KCNMA1: variants seen among roughly 807,000 people sequenced by gnomAD.
KCNMA1 encodes potassium calcium-activated channel subfamily M alpha 1, also known as Calcium-activated potassium channel subunit alpha-1.
A neutral mutation model predicts 140.0 loss-of-function variants in KCNMA1; 29 were observed. That is an observed-to-expected ratio of 0.21 (90% CI 0.15 to 0.28). KCNMA1 has a LOEUF of 0.28. Ranked by LOEUF, KCNMA1 falls within the 10% of genes least tolerant of loss-of-function variation. The pLI, the probability that KCNMA1 is intolerant of heterozygous loss-of-function variation, is 1.00. For missense variants in KCNMA1, 880 were observed against 1,602.2 expected (o/e 0.55, Z 7.70); for synonymous variants, 612 against 611.9 (o/e 1.00, Z 0.00).
chr10:77,553,854 C>T (rs115309059), intron 1 of KCNMA1, among the ~76,000 whole-genome samples: 2,960 of 152,238 alleles, frequency 0.019, 110 homozygotes, highest in African/African-American at 0.068. Flanking sequence ...AATGAGTAAA[C>T]AGACATGGTT....
chr10:77,431,862 G>A (rs936324558), intron 1 of KCNMA1, among the ~76,000 whole-genome samples: 6 of 152,074 alleles, frequency 3.9e-5, no homozygotes, highest in African/African-American at 1.2e-4. Flanking sequence ...GTGTGGTGGT[G>A]CACACCTGTA....
intron 14 of KCNMA1, among the ~76,000 whole-genome samples, chr10:77,048,137 T>TAAA: frequency 5.6e-5 from 1 of 18,000 alleles, no homozygotes; most frequent in African/African-American, 1.8e-4. Context: ...TAAATAAGAA[T>TAAA]TACAAAAAAA....
At chr10:77,369,611 A>C (rs1302754410) in intron 2 of KCNMA1, among the ~76,000 whole-genome samples, 1 of 152,212 alleles carries the variant, frequency 6.6e-6, no homozygotes, top group Non-Finnish European at 1.5e-5. Flanking sequence ...CAGATTCACC[A>C]AACTTCCTCT....
At chr10:77,568,154 T>C (rs1009319018) in intron 1 of KCNMA1, among the ~76,000 whole-genome samples, 1 of 152,224 alleles carries the variant, frequency 6.6e-6, no homozygotes, top group African/African-American at 2.4e-5. Context: ...CTACCAGAGG[T>C]ACAAGGAGGA....
At chr10:77,285,571 C>T (rs866690465) in intron 2 of KCNMA1, among the ~76,000 whole-genome samples, 2 of 152,244 alleles carry the variant, frequency 1.3e-5, no homozygotes, top group South Asian at 4.2e-4. Context: ...TGGTGTTTTG[C>T]CCTTCTTTAA....
intron 2 of KCNMA1, among the ~76,000 whole-genome samples, chr10:77,295,507 C>T (rs1178513089): frequency 2.0e-5 from 3 of 151,212 alleles, no homozygotes; most frequent in African/African-American, 4.9e-5. Context: ...TCAGGCCGGG[C>T]GCGGTGGCTC....
chr10:77,614,758 T>C (rs2088664682), intron 1 of KCNMA1, among the ~76,000 whole-genome samples: 1 of 152,108 alleles, frequency 6.6e-6, no homozygotes, highest in African/African-American at 2.4e-5. Flanking sequence ...CCTCACTGCA[T>C]GAGCAGAGGA....
At chr10:77,229,794 A>T (rs1599371064) in intron 3 of KCNMA1, among the ~76,000 whole-genome samples, 1 of 152,328 alleles carries the variant, frequency 6.6e-6, no homozygotes, top group East Asian at 1.9e-4. Flanking sequence ...AAACAAAAAC[A>T]AAATAAGTTG....
At chr10:77,171,224 C>T (rs906144310) in intron 5 of KCNMA1, among the ~76,000 whole-genome samples, 1 of 152,136 alleles carries the variant, frequency 6.6e-6, no homozygotes, top group Admixed American at 6.6e-5. Flanking sequence ...GGGGATGGAA[C>T]ACCCCAAATC....
chr10:77,458,239 C>G (rs1368257972), intron 1 of KCNMA1, among the ~76,000 whole-genome samples: 1 of 152,244 alleles, frequency 6.6e-6, no homozygotes, highest in Non-Finnish European at 1.5e-5. Context: ...TGCAGGAGGG[C>G]ACCTTCCCTC....
chr10:77,513,176 C>T (rs1306609745), intron 1 of KCNMA1, among the ~76,000 whole-genome samples: 4 of 146,454 alleles, frequency 2.7e-5, no homozygotes, highest in Admixed American at 7.2e-5. Flanking sequence ...CTCAGAGTGG[C>T]GTTTTTGCTG....
At chr10:77,134,330 G>A (rs931307750) in intron 5 of KCNMA1, among the ~76,000 whole-genome samples, 1 of 152,066 alleles carries the variant, frequency 6.6e-6, no homozygotes, top group Admixed American at 6.6e-5. Context: ...TCTTTGTAAT[G>A]TCAAAAGCAT....
At chr10:77,301,068 C>A (rs564311858) in intron 2 of KCNMA1, among the ~76,000 whole-genome samples, 9 of 152,284 alleles carry the variant, frequency 5.9e-5, no homozygotes, top group African/African-American at 2.2e-4. Flanking sequence ...CCTGAAATCC[C>A]CTCAATCCCT....
chr10:77,303,708 C>T (rs1236677981), intron 2 of KCNMA1, among the ~76,000 whole-genome samples: 1 of 152,138 alleles, frequency 6.6e-6, no homozygotes, highest in African/African-American at 2.4e-5. Context: ...AGACCAGCAG[C>T]ATCAGCATAC....
chr10:77,137,551 C>T (rs61867017), intron 5 of KCNMA1, among the ~76,000 whole-genome samples: 65,921 of 151,868 alleles, frequency 0.43, 15,020 homozygotes, highest in Non-Finnish European at 0.49. Flanking sequence ...GGTCCCACCT[C>T]CCATCCCCAG....
chr10:77,445,512 G>T (rs898381475), intron 1 of KCNMA1, among the ~76,000 whole-genome samples: 1 of 152,104 alleles, frequency 6.6e-6, no homozygotes, highest in African/African-American at 2.4e-5. Context: ...TTTAATGAAA[G>T]TTTCTAATTA....
intron 2 of KCNMA1, among the ~76,000 whole-genome samples, chr10:77,255,912 C>CAAA (rs35233819): frequency 3.4e-5 from 4 of 117,464 alleles, no homozygotes; most frequent in Non-Finnish European, 3.5e-5. Context: ...GACTCCATCT[C>CAAA]AAAAAAAAAA....
intron 22 of KCNMA1, among the ~76,000 whole-genome samples, chr10:76,947,266 G>C (rs2064339820): frequency 6.6e-6 from 1 of 152,172 alleles, no homozygotes; most frequent in Admixed American, 6.5e-5. Context: ...GAACCCAGGA[G>C]GTGAAGGTTG....
intron 2 of KCNMA1, among the ~76,000 whole-genome samples, chr10:77,339,298 C>T (rs986724313): frequency 6.6e-6 from 1 of 152,106 alleles, no homozygotes; most frequent in African/African-American, 2.4e-5. Context: ...GAAAATTCTG[C>T]CAAACCCACA....
Sources: gnomAD v4.1 joint callset for allele counts (sites outside exome capture counted in the v4.1 genomes callset) on GRCh38, gnomAD v4.1.1 for gene constraint, MANE v1.5 for transcripts, NCBI Gene and HGNC (gene_info 2026-07-23, HGNC 2026-07-21) for gene names.